Variants in TTC28 observed in about 807,000 individuals in gnomAD.
The protein encoded by TTC28 is tetratricopeptide repeat domain 28, also known as tetratricopeptide repeat protein 28.
In TTC28, 61 loss-of-function variants were observed where a neutral mutation model predicts 198.0. The observed-to-expected ratio is 0.31, with a 90% CI of 0.25 to 0.38. The LOEUF (loss-of-function observed/expected upper bound fraction) is 0.38, where lower values mean the gene tolerates loss of function less well. TTC28 is among the 10% of genes least tolerant of loss of function. The pLI is 1.00. For synonymous variants in TTC28, 1,171 were observed against 1,297.8 expected (o/e 0.90, Z 2.10); for missense variants, 2,678 against 3,164.0 (o/e 0.85, Z 3.69).
At chr22:28,470,490 A>T (rs983523696) in intron 2 of TTC28, among the ~76,000 whole-genome samples, 6 of 152,202 alleles carry the variant, frequency 3.9e-5, no homozygotes, top group Admixed American at 6.5e-5. Context: ...CCAAAAAAAA[A>T]TGCATCTGCC....
At chr22:28,442,468 C>G (rs2047640162) in intron 2 of TTC28, among the ~76,000 whole-genome samples, 1 of 152,224 alleles carries the variant, frequency 6.6e-6, no homozygotes, top group Admixed American at 6.5e-5. Context: ...CTTTTAACCC[C>G]TTGGGGAAAT....
At chr22:28,206,385 T>G (rs955689385) in intron 5 of TTC28, among the ~76,000 whole-genome samples, 1 of 152,160 alleles carries the variant, frequency 6.6e-6, no homozygotes, top group Non-Finnish European at 1.5e-5. Flanking sequence ...TGTGGAGAAA[T>G]GACGAAATAT....
Position 28,098,865 on chromosome 22 carries a change from C to T in TTC28, c.3547+50G>A, listed in dbSNP as rs370736476. 152 of 1,536,348 alleles carry T rather than the reference C, an allele frequency of 9.9e-5. 1 individual carries two copies. The African/African-American group carries it at 1.7e-3, about 17-fold the overall frequency. ...CAACTTGGACACATGGACGCGCACC[C>T]GTGCGCACTAGTGCACACGTAAGCA... On this transcript the variant is annotated intron_variant, in intron 10 of 22. Coordinates refer to ENST00000397906, the MANE Select transcript of TTC28 (RefSeq NM_001145418.2).
intron 2 of TTC28, among the ~76,000 whole-genome samples, chr22:28,470,016 C>T (rs1054940036): frequency 1.3e-5 from 2 of 151,814 alleles, no homozygotes; most frequent in African/African-American, 4.8e-5. Context: ...TTTTCTTTTC[C>T]TCTTTTTCTT....
chr22:28,072,661 T>C (rs932986802), intron 12 of TTC28, among the ~76,000 whole-genome samples: 2 of 152,282 alleles, frequency 1.3e-5, no homozygotes, highest in Admixed American at 6.5e-5. Context: ...CTTCAATGCA[T>C]ACTGAAGACA....
chr22:28,630,023 G>C (rs1008802656), intron 1 of TTC28, among the ~76,000 whole-genome samples, 193 bp from the exon 2 acceptor site: 3 of 152,046 alleles, frequency 2.0e-5, no homozygotes, highest in African/African-American at 4.8e-5. Context: ...CCTCCCCTGG[G>C]GGTGAGGGAA....
intron 2 of TTC28, among the ~76,000 whole-genome samples, chr22:28,393,058 T>C (rs145143109): frequency 1.3e-5 from 2 of 152,012 alleles, no homozygotes; most frequent in Admixed American, 6.6e-5. Flanking sequence ...TTTATATTTA[T>C]TTTTTGTAGA....
At chr22:28,595,849 G>A (rs575745029) in intron 2 of TTC28, among the ~76,000 whole-genome samples, 5 of 152,214 alleles carry the variant, frequency 3.3e-5, no homozygotes, top group Admixed American at 6.5e-5. Context: ...GCTTGAACCC[G>A]GGAGGCGGAG....
chr22:28,178,593 G>A (rs2147099194), intron 5 of TTC28, among the ~76,000 whole-genome samples: 1 of 152,320 alleles, frequency 6.6e-6, no homozygotes, highest in East Asian at 1.9e-4. Context: ...AAGTATGTCG[G>A]AGTGTGTTAT....
At chr22:28,519,561 T>G (rs2048859443) in intron 2 of TTC28, among the ~76,000 whole-genome samples, 1 of 152,176 alleles carries the variant, frequency 6.6e-6, no homozygotes. Flanking sequence ...ACCAGATGTT[T>G]CATACTAACT....
chr22:28,459,947 G>C (rs2047922839), intron 2 of TTC28: 2 of 152,130 alleles, frequency 1.3e-5, no homozygotes, highest in African/African-American at 2.4e-5. Context: ...TGGGGAGCCA[G>C]GGAAACATAT....
rs142235807 is a variant in TTC28 at position 28,551,157 on chromosome 22, A to G, written c.381+78395T>C. 6.0e-3 allele frequency among the ~76,000 whole-genome samples: 915 copies of G among 152,248 alleles called. 6 individuals carry two copies. The highest frequency in any genetic ancestry group is 0.02 in the African/African-American group (823 of 41,558). ...GAGATTGATAAATTCCTGGAAATAT[A>G]CAACCCTCCTAGATTAAACCGGGAA... is the stretch of plus-strand genomic sequence containing the variant. On this transcript the variant is annotated intron_variant, in intron 2 of 22. Transcript: ENST00000397906.
At chr22:28,347,014 A>G (rs1036636610) in intron 2 of TTC28, among the ~76,000 whole-genome samples, 1 of 152,056 alleles carries the variant, frequency 6.6e-6, no homozygotes, top group South Asian at 2.1e-4. Flanking sequence ...TGTAATCCCA[A>G]CACTTTGGGA....
intron 2 of TTC28, among the ~76,000 whole-genome samples, chr22:28,402,477 C>A (rs939098429): frequency 5.9e-5 from 9 of 152,192 alleles, no homozygotes; most frequent in Admixed American, 2.6e-4. Context: ...TTGATCATTA[C>A]GTGTCATTGG....
chr22:28,578,271 C>G (rs1335574702), intron 2 of TTC28, among the ~76,000 whole-genome samples: 1 of 151,816 alleles, frequency 6.6e-6, no homozygotes, highest in Non-Finnish European at 1.5e-5. Flanking sequence ...CACTTCAGTT[C>G]CTCAATTTTT....
At chr22:28,083,342 G>A (rs1219165766) in intron 12 of TTC28, among the ~76,000 whole-genome samples, 1 of 152,094 alleles carries the variant, frequency 6.6e-6, no homozygotes, top group East Asian at 1.9e-4. Flanking sequence ...TATTCACCAA[G>A]AGACAAGAAT....
chr22:28,335,168 T>C (rs1409815426), intron 2 of TTC28, among the ~76,000 whole-genome samples: 2 of 152,174 alleles, frequency 1.3e-5, no homozygotes, highest in African/African-American at 2.4e-5. Flanking sequence ...GAGTCATAGA[T>C]ATGTGGCATT....
chr22:28,159,860 C>A (rs1030201577), intron 6 of TTC28, among the ~76,000 whole-genome samples: 1 of 152,126 alleles, frequency 6.6e-6, no homozygotes, highest in Admixed American at 6.5e-5. Flanking sequence ...GGTACATATA[C>A]ACAATGGAGT....
At chr22:28,304,013 C>T (rs929274307) in intron 3 of TTC28, among the ~76,000 whole-genome samples, 5 of 152,018 alleles carry the variant, frequency 3.3e-5, no homozygotes, top group African/African-American at 1.2e-4. Flanking sequence ...CAGCCGGGCG[C>T]GGTGGCTCAC....
Sources: allele counts gnomAD v4.1 joint callset (sites outside exome capture counted in the v4.1 genomes callset), GRCh38; gene constraint gnomAD v4.1.1; transcripts MANE v1.5; gene names NCBI Gene and HGNC (gene_info 2026-07-23, HGNC 2026-07-21).